The following NCF2 variants were observed in gnomAD, a reference collection of about 807,000 sequenced individuals.
NCF2 encodes neutrophil cytosol factor 2.
NCF2 carries 45 observed loss-of-function variants against 70.9 expected under a neutral mutation model. The observed-to-expected ratio is 0.63, with a 90% confidence interval of 0.50 to 0.81. The LOEUF is 0.81. Among genes scored for constraint, NCF2 ranks in the 40% least tolerant of loss-of-function variants. The probability of loss-of-function intolerance (pLI) is 0.00; values close to 1 mark genes in which losing one functional copy is unlikely to be tolerated. For missense variants in NCF2, 522 were observed against 631.6 expected (o/e 0.83, Z 1.86); for synonymous variants, 203 against 233.6 (o/e 0.87, Z 1.19).
At chr1:183,601,710 T>C in the NCF2 span, among the ~76,000 whole-genome samples, 2 of 151,940 alleles carry the variant, frequency 1.3e-5, no homozygotes, top group African/African-American at 4.8e-5. Flanking sequence ...ACAAAAAAAT[T>C]AGCTGGGCAT....
chr1:183,565,798 G>A lies in NCF2; in HGVS notation c.925-19C>T, dbSNP rs374248950. The A allele has an allele frequency of 1.5e-5, 25 of 1,612,968 alleles. No individual in the cohort carries two copies. Among genetic ancestry groups the A allele is most frequent in the South Asian group, 7.7e-5 (7 of 91,062 alleles). On this transcript the variant is annotated intron_variant, in intron 9 of 14. Transcript: ENST00000367535. ...TTTCCTCCTGAAGGCAACAGGGAGC[G>A]ACGGTCAGAACCTTCATTCAAAGTT...
chr1:183,567,323 G>T lies in NCF2; in HGVS notation c.736C>A (p.Arg246Ser). ...TCAGGCACAAACCCAAATAGCACAC[G>T]GTGAGCCTCCCCTTCCAGAGCCCTG... ...IFRALEGEAHRVLFGFVPETK... is the reference protein window; with the variant it reads ...IFRALEGEAHSVLFGFVPETK... The change falls in exon 8 of 15, where the codon CGT becomes AGT. Residue 246 changes from arginine to serine, a missense_variant. Transcript: ENST00000367535. The T allele has an allele frequency of 6.2e-7, 1 of 1,614,098 alleles. No homozygotes were observed. The highest frequency in any genetic ancestry group is 1.1e-5 in the South Asian group (1 of 91,088).
At chr1:183,556,949 T>C (rs914812649) in intron 14 of NCF2, among the ~76,000 whole-genome samples, 1 of 152,226 alleles carries the variant, frequency 6.6e-6, no homozygotes, top group African/African-American at 2.4e-5. Flanking sequence ...TAGTAAACTT[T>C]CTTCTTTTCA....
chr1:183,582,352 A>AAGCGCCACACTTCAGCG lies in NCF2; in HGVS notation c.257+4542_257+4543insCGCTGAAGTGTGGCGCT, dbSNP rs1200605482. ...TTCTTCACACCCACACTTCAGTGAC[A>AAGCGCCACACTTCAGCG]CCCCTTGGGGCGCCTTGGCTGCACT... is the stretch of plus-strand genomic sequence containing the variant. On this transcript the variant is annotated intron_variant, in intron 2 of 14. Coordinates refer to ENST00000367535, the MANE Select transcript of NCF2 (RefSeq NM_000433.4). Among the ~76,000 whole-genome samples the AAGCGCCACACTTCAGCG allele has an allele frequency of 3.3e-5, 5 of 152,124 alleles. No individual in the cohort carries two copies. In the South Asian group the frequency reaches 8.3e-4, roughly 25 times the overall value.
At chr1:183,578,507 G>A (rs564954493) in intron 2 of NCF2, among the ~76,000 whole-genome samples, 136 of 152,202 alleles carry the variant, frequency 8.9e-4, no homozygotes, top group African/African-American at 3.1e-3. Context: ...TGGGACTACG[G>A]GCGAGCGCCA....
chr1:183,563,009 A>G (rs1672137693), intron 13 of NCF2, among the ~76,000 whole-genome samples, 186 bp downstream of exon 13: 2 of 151,120 alleles, frequency 1.3e-5, no homozygotes, highest in Admixed American at 1.3e-4. Context: ...CTTGTGGGAA[A>G]CTCTCTCCCT....
the NCF2 span, chr1:183,598,121 G>A: frequency 6.6e-6 from 1 of 152,434 alleles, no homozygotes. Flanking sequence ...TGGAACAGAT[G>A]CCCAGCGAGG....
At chr1:183,601,054 A>C in the NCF2 span, among the ~76,000 whole-genome samples, 62 of 152,228 alleles carry the variant, frequency 4.1e-4, no homozygotes, top group Non-Finnish European at 6.0e-4. Flanking sequence ...TGGTTCAAAA[A>C]TTAACAAATA....
At chr1:183,575,893 G>A (rs1318536686) in intron 3 of NCF2, among the ~76,000 whole-genome samples, 1 of 152,176 alleles carries the variant, frequency 6.6e-6, no homozygotes, top group African/African-American at 2.4e-5. Context: ...CCCGGAAGTG[G>A]AAATCTGGAC....
At chr1:183,578,109 G>C (rs979816420) in intron 2 of NCF2, among the ~76,000 whole-genome samples, 3 of 152,156 alleles carry the variant, frequency 2.0e-5, no homozygotes, top group East Asian at 1.9e-4. Context: ...AGCTGATTTG[G>C]AATACTGCTC....
the NCF2 span, among the ~76,000 whole-genome samples, chr1:183,599,929 T>G: frequency 6.6e-6 from 1 of 152,156 alleles, no homozygotes; most frequent in Non-Finnish European, 1.5e-5. Flanking sequence ...AGTAAGATAT[T>G]TGGCCAAGAT....
rs781553916 is a variant in NCF2 at position 183,567,490 on chromosome 1, G to A, written c.714-145C>T. Reference sequence around the variant, plus strand: ...CAACTGCCGAGATGACACTGAGCCTGCCTGGGCTCCCAAGAGGTCTCAGCA... The same window carrying A: ...CAACTGCCGAGATGACACTGAGCCTACCTGGGCTCCCAAGAGGTCTCAGCA... On this transcript the variant is annotated intron_variant, in intron 7 of 14. Transcript: ENST00000367535. 3 of 1,141,688 alleles carry A rather than the reference G, an allele frequency of 2.6e-6. 1 individual carries two copies. Among genetic ancestry groups the A allele is most frequent in the South Asian group, 2.5e-5 (2 of 81,162 alleles). The allele number at this position is 1,141,688 out of a possible 1,614,324, so 70.7% of individuals were successfully genotyped here. A position where few individuals can be genotyped will look rare whatever the true frequency, so the allele number is the denominator to read the frequency against.
Position 183,558,275 on chromosome 1 carries a change from G to GT in NCF2, c.1468+1820dup, listed in dbSNP as rs572351199. Among the ~76,000 whole-genome samples, 1,241 of 144,434 alleles carry GT rather than the reference G, an allele frequency of 8.6e-3. 13 individuals carry two copies. The highest frequency in any genetic ancestry group is 0.01 in the Non-Finnish European group (661 of 65,472). The allele number at this position is 144,434 out of a possible 152,430, so 94.8% of individuals were successfully genotyped here. ...TTTTAATTTTTTTGTTTTTGTTTTT[G>GT]TTTTTTTTTTGAGACTGAGTCTCAC... On this transcript the variant is annotated intron_variant, in intron 14 of 14. Transcript: ENST00000367535.
intron 1 of NCF2, among the ~76,000 whole-genome samples, chr1:183,588,656 CTT>C (rs1217963319): frequency 3.3e-5 from 5 of 151,902 alleles, no homozygotes; most frequent in Non-Finnish European, 7.4e-5. Flanking sequence ...ACTATACAAA[CTT>C]ATACATGAAT....
intron 4 of NCF2, among the ~76,000 whole-genome samples, chr1:183,573,530 T>C (rs1296538506): frequency 6.6e-6 from 1 of 152,190 alleles, no homozygotes; most frequent in African/African-American, 2.4e-5. Context: ...GCACCCTCTT[T>C]TCCCAGAGGA....
upstream of NCF2, among the ~76,000 whole-genome samples, chr1:183,595,404 C>T (rs770383160): frequency 4.6e-5 from 7 of 152,194 alleles, no homozygotes; most frequent in South Asian, 6.2e-4. Flanking sequence ...GTTGGTTTTC[C>T]GTTGCTGCAT....
chr1:183,581,444 G>T (rs1466158046), intron 2 of NCF2, among the ~76,000 whole-genome samples: 1 of 151,438 alleles, frequency 6.6e-6, no homozygotes, highest in Non-Finnish European at 1.5e-5. Context: ...GGCCAGCCTG[G>T]ACAATATAGT....
chr1:183,588,265 C>T (rs1673467382), intron 1 of NCF2, among the ~76,000 whole-genome samples: 1 of 152,016 alleles, frequency 6.6e-6, no homozygotes, highest in Admixed American at 6.6e-5. Flanking sequence ...CTATTTATTG[C>T]TCTGTGGAAG....
At chr1:183,601,124 T>G in the NCF2 span, among the ~76,000 whole-genome samples, 1 of 152,200 alleles carries the variant, frequency 6.6e-6, no homozygotes, top group Non-Finnish European at 1.5e-5. Context: ...CCACTTTTAT[T>G]AGTTTCTTGG....
Sources: allele counts gnomAD v4.1 joint callset (sites outside exome capture counted in the v4.1 genomes callset), GRCh38; gene constraint gnomAD v4.1.1; transcripts MANE v1.5; gene names NCBI Gene and HGNC (gene_info 2026-07-23, HGNC 2026-07-21).